The following IL15 variants were observed in gnomAD, a reference collection of about 807,000 sequenced individuals.
IL15 encodes the protein interleukin 15, also known as interleukin-15.
A neutral mutation model predicts 19.6 loss-of-function variants in IL15; 11 were observed. The ratio of observed to expected loss-of-function variants is 0.56; its 90% confidence interval spans 0.35 to 0.93. The LOEUF is 0.93. Ranked by LOEUF, IL15 falls within the 40% of genes least tolerant of loss-of-function variation. The pLI is 0.01. For synonymous variants in IL15, 58 were observed against 59.6 expected, an observed-to-expected ratio of 0.97 and a Z score of 0.12; for missense variants, 197 against 186.5, an observed-to-expected ratio of 1.06 and a Z score of -0.33.
chr4:141,684,652 G>C (rs1728650744), intron 2 of IL15, among the ~76,000 whole-genome samples: 1 of 152,072 alleles, frequency 6.6e-6, no homozygotes, highest in Non-Finnish European at 1.5e-5. Context: ...TATTAGCTTG[G>C]AATATCCTCC....
chr4:141,724,825 G>A (rs1730206041), intron 5 of IL15, among the ~76,000 whole-genome samples: 1 of 151,962 alleles, frequency 6.6e-6, no homozygotes, highest in East Asian at 1.9e-4. Context: ...CCCAAAAAGG[G>A]ACCTTCAAGC....
At chr4:141,648,780 G>A (rs527618516) in intron 1 of IL15, among the ~76,000 whole-genome samples, 15 of 152,102 alleles carry the variant, frequency 9.9e-5, no homozygotes, top group African/African-American at 3.6e-4. Flanking sequence ...TCTAAACCTT[G>A]GCCTTTCTTA....
At chr4:141,725,988 T>C (rs1326959491) in intron 5 of IL15, among the ~76,000 whole-genome samples, 1 of 152,114 alleles carries the variant, frequency 6.6e-6, no homozygotes, top group East Asian at 1.9e-4. Flanking sequence ...AATGTACTCA[T>C]GTGCTAGCTC....
At chr4:141,731,503 A>AG (rs1730451082) in intron 7 of IL15, among the ~76,000 whole-genome samples, 1 of 152,190 alleles carries the variant, frequency 6.6e-6, no homozygotes, top group Non-Finnish European at 1.5e-5. Context: ...GCCACGCAAC[A>AG]GGTAACTCAT....
chr4:141,668,535 G>A (rs1017056164), intron 2 of IL15, among the ~76,000 whole-genome samples: 1 of 152,142 alleles, frequency 6.6e-6, no homozygotes, highest in African/African-American at 2.4e-5. Context: ...CTTCATGTTG[G>A]TATCTGTCAG....
chr4:141,686,297 A>AAAATAAATAAATAAAT (rs56718878), intron 2 of IL15, among the ~76,000 whole-genome samples: 2 of 141,096 alleles, frequency 1.4e-5, no homozygotes, highest in Non-Finnish European at 1.5e-5. Context: ...GTTCATCTCA[A>AAAATAAATAAATAAAT]AAATAAATAA....
In IL15 at chr4:141,636,746, G is replaced by C. The variant is rs560212073; in HGVS notation, c.-224G>C. 6.6e-6 allele frequency: 1 copy of C among 152,172 alleles called. No homozygotes were observed. The highest frequency in any genetic ancestry group is 6.5e-5 in the Admixed American group (1 of 15,280). 9.4% of individuals were successfully genotyped at this position (152,172 alleles called of 1,614,324 possible). On this transcript the variant is annotated splice_region_variant and 5_prime_UTR_variant, in exon 1 of 8. Coordinates refer to ENST00000320650, the MANE Select transcript of IL15 (RefSeq NM_000585.5). ...CCCACCCTGCAGCCAGGACTCGATG[G>C]AGGTACAGAGCTCGGCTTCTTTGCC...
At chr4:141,641,821 C>T (rs1296200022) in intron 1 of IL15, among the ~76,000 whole-genome samples, 2 of 151,046 alleles carry the variant, frequency 1.3e-5, no homozygotes, top group East Asian at 3.9e-4. Context: ...GCACATGTAC[C>T]CTAGAACTTA....
chr4:141,680,248 T>G (rs1728488777), intron 2 of IL15, among the ~76,000 whole-genome samples: 1 of 152,204 alleles, frequency 6.6e-6, no homozygotes, highest in Admixed American at 6.5e-5. Flanking sequence ...TTATCTAGCT[T>G]GATAGCAGTA....
At chr4:141,655,553 A>T (rs562825359) in intron 1 of IL15, among the ~76,000 whole-genome samples, 1 of 152,254 alleles carries the variant, frequency 6.6e-6, no homozygotes, top group East Asian at 1.9e-4. Flanking sequence ...ATAAAATAAA[A>T]GTTATACTAC....
chr4:141,727,220 C>A (rs535563887), intron 5 of IL15, among the ~76,000 whole-genome samples: 1 of 152,026 alleles, frequency 6.6e-6, no homozygotes, highest in African/African-American at 2.4e-5. Flanking sequence ...AGTGATTCAC[C>A]AACTATAACA....
chr4:141,638,134 C>T lies in IL15; in HGVS notation c.-222+1386C>T, dbSNP rs1054797852. On this transcript the variant is annotated intron_variant, in intron 1 of 7. Transcript: ENST00000320650. ...TAAATTTTTAAACTCCTGTTGTTTTCGTGTGAAGTAATGTGGCCAACAGAG... is the reference window on the plus strand; with the variant it reads ...TAAATTTTTAAACTCCTGTTGTTTTTGTGTGAAGTAATGTGGCCAACAGAG... 6.6e-5 allele frequency among the ~76,000 whole-genome samples: 10 copies of T among 152,106 alleles called. No individual in the cohort carries two copies. In the East Asian group the frequency reaches 7.7e-4, roughly 12 times the overall value.
At chr4:141,698,374 C>G (rs1729170331) in intron 2 of IL15, among the ~76,000 whole-genome samples, 1 of 151,580 alleles carries the variant, frequency 6.6e-6, no homozygotes, top group African/African-American at 2.4e-5. Flanking sequence ...GGAGGATTCT[C>G]TCTTTATCTT....
At chr4:141,678,063 T>TATAG (rs540597595) in intron 2 of IL15, among the ~76,000 whole-genome samples, 40 of 152,336 alleles carry the variant, frequency 2.6e-4, no homozygotes, top group South Asian at 2.5e-3. Flanking sequence ...CTTAGTCCTA[T>TATAG]ATAGCCAGGC....
In IL15 at chr4:141,706,048, A is replaced by G. The variant is rs77885135; in HGVS notation, c.-99-13318A>G. Among the ~76,000 whole-genome samples, 885 of 152,038 alleles carry G rather than the reference A, an allele frequency of 5.8e-3. 10 individuals carry two copies. Among genetic ancestry groups the G allele is most frequent in the African/African-American group, 0.02 (849 of 41,518 alleles). On this transcript the variant is annotated intron_variant, in intron 2 of 7. Transcript: ENST00000320650. ...TTTAACTGGAGAATTTAGTCCACTT[A>G]TATTCAAGGTTATTATTGATAGATA...
chr4:141,689,536 C>A (rs1036157388), intron 2 of IL15, among the ~76,000 whole-genome samples: 1 of 152,028 alleles, frequency 6.6e-6, no homozygotes, highest in Non-Finnish European at 1.5e-5. Flanking sequence ...TATTTACAAA[C>A]CTTGAGCTAG....
chr4:141,691,455 A>C (rs1256452550), intron 2 of IL15, among the ~76,000 whole-genome samples: 1 of 152,204 alleles, frequency 6.6e-6, no homozygotes, highest in Non-Finnish European at 1.5e-5. Context: ...CCAAGTCCAA[A>C]GTCTCATCTG....
At position 141,683,571 on chromosome 4, in the gene IL15, TA is replaced by T. The variant is rs566487149; in HGVS notation, c.-100+27278del. On this transcript the variant is annotated intron_variant, in intron 2 of 7. Coordinates refer to ENST00000320650, the MANE Select transcript of IL15 (RefSeq NM_000585.5). ...GGGTGACAGAGTGAGATTCCGTCTC[TA>T]AAAAAAAAAAAAAGAAAAAAGAAAA... 5.8e-3 allele frequency among the ~76,000 whole-genome samples: 698 copies of T among 120,724 alleles called. 1 individual carries two copies. Among genetic ancestry groups the T allele is most frequent in the African/African-American group, 9.1e-3 (295 of 32,560 alleles). The allele number at this position is 120,724 out of a possible 152,430, so 79.2% of individuals were successfully genotyped here. A position where few individuals can be genotyped will look rare whatever the true frequency, so the allele number is the denominator to read the frequency against.
intron 1 of IL15, among the ~76,000 whole-genome samples, chr4:141,640,749 A>G (rs1727015348): frequency 6.6e-6 from 1 of 152,224 alleles, no homozygotes. Context: ...AGAAGACTCT[A>G]TGTAGACCGT....
Sources: gnomAD v4.1 joint callset for allele counts (sites outside exome capture counted in the v4.1 genomes callset) on GRCh38, gnomAD v4.1.1 for gene constraint, MANE v1.5 for transcripts, NCBI Gene and HGNC (gene_info 2026-07-23, HGNC 2026-07-21) for gene names.